Variants in CAB39 observed in about 807,000 individuals in gnomAD.
CAB39 encodes the protein calcium-binding protein 39.
A neutral mutation model predicts 40.0 loss-of-function variants in CAB39; 8 were observed. The ratio of observed to expected loss-of-function variants is 0.20; its 90% CI spans 0.12 to 0.36. CAB39 has a LOEUF of 0.36. Among genes scored for constraint, CAB39 ranks in the 10% least tolerant of loss-of-function variants. The pLI is 1.00. For missense variants in CAB39, 270 were observed against 401.1 expected, an observed-to-expected ratio of 0.67 and a Z score of 2.79; for synonymous variants, 156 against 141.6, an observed-to-expected ratio of 1.10 and a Z score of -0.72.
chr2:230,716,582 A>G (rs919052117), intron 1 of CAB39, among the ~76,000 whole-genome samples: 2 of 152,192 alleles, frequency 1.3e-5, no homozygotes, highest in South Asian at 2.1e-4. Context: ...TGTTTTAATT[A>G]AAAGAGATGG....
At chr2:230,792,843 T>C (rs1695914728) in intron 3 of CAB39, among the ~76,000 whole-genome samples, 1 of 152,194 alleles carries the variant, frequency 6.6e-6, no homozygotes, top group Admixed American at 6.5e-5. Flanking sequence ...TGTAAGCATC[T>C]TATTTGAAGC....
chr2:230,765,231 C>T (rs1695365235), intron 2 of CAB39, among the ~76,000 whole-genome samples: 1 of 152,120 alleles, frequency 6.6e-6, no homozygotes, highest in African/African-American at 2.4e-5. Context: ...CCTCGTGATC[C>T]ACCCGCCTTG....
intron 1 of CAB39, among the ~76,000 whole-genome samples, chr2:230,732,083 T>C (rs983681638): frequency 1.2e-4 from 18 of 151,602 alleles, no homozygotes; most frequent in African/African-American, 4.1e-4. Context: ...TCTCTCTCTT[T>C]TTTTTTTTTG....
At position 230,820,798 on chromosome 2, in the gene CAB39, C is replaced by T. The variant is rs1203744706; in HGVS notation, c.*2094C>T. On this transcript the variant is annotated 3_prime_UTR_variant, in exon 9 of 9. Transcript: ENST00000258418. ...GTTTTTAAGCAAAACAATGTGAAAA[C>T]ATTTAAGTTTGAAATGTTGCATTTG... 1 of 152,550 alleles carries T rather than the reference C, an allele frequency of 6.6e-6. No homozygotes were observed. Among genetic ancestry groups the T allele is most frequent in the Non-Finnish European group, 1.5e-5 (1 of 68,012 alleles). The allele number at this position is 152,550 out of a possible 1,614,324, so 9.4% of individuals were successfully genotyped here.
chr2:230,812,623 A>G (rs1255344609), intron 6 of CAB39, among the ~76,000 whole-genome samples: 11 of 152,246 alleles, frequency 7.2e-5, no homozygotes, highest in African/African-American at 2.7e-4. Context: ...TTTGATGATA[A>G]TTTGAGAAGG....
intron 1 of CAB39, among the ~76,000 whole-genome samples, chr2:230,718,490 G>C (rs1030597017): frequency 6.6e-6 from 1 of 152,200 alleles, no homozygotes; most frequent in Admixed American, 6.5e-5. Flanking sequence ...GTGGTTAAAA[G>C]CGCAGGTGCA....
At chr2:230,728,165 G>C (rs931668246) in intron 1 of CAB39, among the ~76,000 whole-genome samples, 4 of 152,160 alleles carry the variant, frequency 2.6e-5, no homozygotes, top group African/African-American at 9.7e-5. Flanking sequence ...TTGAACCTGG[G>C]AAGTGGAGGT....
At chr2:230,805,679 C>G (rs943478400) in intron 5 of CAB39, among the ~76,000 whole-genome samples, 4 of 152,216 alleles carry the variant, frequency 2.6e-5, no homozygotes, top group African/African-American at 9.7e-5. Context: ...AGAATTACTC[C>G]TTCATCACAA....
chr2:230,816,933 G>A (rs980843888), intron 7 of CAB39, among the ~76,000 whole-genome samples: 7 of 152,210 alleles, frequency 4.6e-5, no homozygotes, highest in Non-Finnish European at 7.3e-5. Flanking sequence ...CACAAGGACC[G>A]CAGCTTGGCA....
At chr2:230,785,677 A>G (rs1380229238) in intron 2 of CAB39, among the ~76,000 whole-genome samples, 1 of 152,044 alleles carries the variant, frequency 6.6e-6, no homozygotes, top group East Asian at 1.9e-4. Flanking sequence ...CATTCAATTC[A>G]GAAGTACAAC....
chr2:230,748,244 C>A (rs1176243403), intron 1 of CAB39, among the ~76,000 whole-genome samples: 2 of 151,940 alleles, frequency 1.3e-5, no homozygotes, highest in African/African-American at 4.8e-5. Context: ...CCTCTTGTTG[C>A]CTGTAGACCA....
intron 2 of CAB39, among the ~76,000 whole-genome samples, chr2:230,777,400 A>T (rs1575939638): frequency 2.9e-5 from 4 of 139,400 alleles, no homozygotes; most frequent in Non-Finnish European, 3.1e-5. Flanking sequence ...ACATCTTTTC[A>T]TGTGCATATA....
At chr2:230,726,919 G>C (rs902172905) in intron 1 of CAB39, among the ~76,000 whole-genome samples, 3 of 149,830 alleles carry the variant, frequency 2.0e-5, no homozygotes, top group African/African-American at 7.4e-5. Flanking sequence ...AGGGTGCTTA[G>C]CATACGAGAT....
intron 2 of CAB39, among the ~76,000 whole-genome samples, chr2:230,762,134 C>T (rs546371851): frequency 7.9e-5 from 12 of 152,132 alleles, no homozygotes; most frequent in African/African-American, 2.7e-4. Context: ...TCTCGAACTC[C>T]GCACCTCAGG....
chr2:230,784,944 C>T (rs1242157977), intron 2 of CAB39, among the ~76,000 whole-genome samples: 1 of 152,140 alleles, frequency 6.6e-6, no homozygotes, highest in Non-Finnish European at 1.5e-5. Flanking sequence ...ATCCTATTGG[C>T]TATTAGTTTA....
intron 2 of CAB39, among the ~76,000 whole-genome samples, chr2:230,760,509 G>C (rs1476195314): frequency 6.6e-6 from 1 of 152,122 alleles, no homozygotes; most frequent in Non-Finnish European, 1.5e-5. Flanking sequence ...TCAGTTATCT[G>C]CTTGGTTGGT....
chr2:230,754,155 T>C (rs1695138585), intron 1 of CAB39, among the ~76,000 whole-genome samples: 1 of 152,182 alleles, frequency 6.6e-6, no homozygotes, highest in Admixed American at 6.5e-5. Flanking sequence ...TTTATTTATT[T>C]TAAAATTTTT....
intron 7 of CAB39, among the ~76,000 whole-genome samples, chr2:230,817,235 C>T (rs1373741319): frequency 6.6e-6 from 1 of 152,170 alleles, no homozygotes; most frequent in African/African-American, 2.4e-5. Context: ...GTAAACCTTT[C>T]TGAATTAGCT....
At chr2:230,816,477 T>G (rs1048956512) in intron 7 of CAB39, among the ~76,000 whole-genome samples, 1 of 152,242 alleles carries the variant, frequency 6.6e-6, no homozygotes, top group Non-Finnish European at 1.5e-5. Context: ...TCCTATGAGT[T>G]CCTTATAAAG....
Sources: gnomAD v4.1 joint callset for allele counts (sites outside exome capture counted in the v4.1 genomes callset) on GRCh38, gnomAD v4.1.1 for gene constraint, MANE v1.5 for transcripts, NCBI Gene and HGNC (gene_info 2026-07-23, HGNC 2026-07-21) for gene names.